Variants in APTX observed in about 807,000 individuals in gnomAD.
The protein encoded by APTX is aprataxin.
In APTX, 33 loss-of-function variants were observed where a neutral mutation model predicts 42.3. That is an observed-to-expected ratio of 0.78 (90% CI 0.59 to 1.04). APTX has a LOEUF of 1.04. Among genes scored for constraint, APTX ranks in the 50% least tolerant of loss-of-function variants. APTX has a pLI of 0.00. For missense variants in APTX, 421 were observed against 415.1 expected (o/e 1.01, Z -0.12); for synonymous variants, 130 against 146.7 (o/e 0.89, Z 0.82).
At chr9:32,985,004 T>C in intron 5 of APTX, 147 bp from the exon 6 acceptor site, 1 of 735,584 alleles carries the variant, frequency 1.4e-6, no homozygotes, top group African/African-American at 1.7e-5. Flanking sequence ...AGCACTGAAA[T>C]TCAGACAGGT....
chr9:33,010,167 T>A (rs1447385074), intron 1 of APTX, among the ~76,000 whole-genome samples: 2 of 152,120 alleles, frequency 1.3e-5, no homozygotes, highest in East Asian at 3.9e-4. Flanking sequence ...GCAATAGTAG[T>A]TCCCAGAACA....
intron 1 of APTX, among the ~76,000 whole-genome samples, chr9:33,023,210 C>T (rs918930399): frequency 6.6e-6 from 1 of 151,626 alleles, no homozygotes; most frequent in South Asian, 2.1e-4. Flanking sequence ...GCAGGGACCA[C>T]GACTTATGTG....
chr9:32,989,646 T>C (rs767833577), intron 2 of APTX, 113 bp downstream of exon 2: 3 of 1,516,568 alleles, frequency 2.0e-6, no homozygotes, highest in South Asian at 1.1e-5. Context: ...GTTCCTGAGC[T>C]GTATTTTTGG....
chr9:32,972,805 AC>A lies in APTX; in HGVS notation c.*692del. On this transcript the variant is annotated 3_prime_UTR_variant, in exon 8 of 8. Transcript: ENST00000379817. ...ATTTTCAGACAACAGGTCCAAGAAG[AC>A]TTCACAGCTCAATCATGACGAACAT... 2.2e-6 allele frequency: 1 copy of A among 454,136 alleles called. No individual in the cohort carries two copies. The highest frequency in any genetic ancestry group is 1.6e-5 in the South Asian group (1 of 64,476). The allele number at this position is 454,136 out of a possible 1,614,324, so 28.1% of individuals were successfully genotyped here.
chr9:32,978,539 C>T (rs984394834), intron 6 of APTX, among the ~76,000 whole-genome samples: 1 of 151,986 alleles, frequency 6.6e-6, no homozygotes, highest in African/African-American at 2.4e-5. Flanking sequence ...GCTTCTGAGG[C>T]CTTTATTTGG....
At position 33,020,061 on chromosome 9, in the gene APTX, G is replaced by A. The variant is rs1054951819; in HGVS notation, c.-5+4962C>T. ...GAGCTGCCGGGGTGTCCGCGCCCCC[G>A]GGGCAGCTGTGATCACCCTAGCCAT... On this transcript the variant is annotated intron_variant, in intron 1 of 6. Transcript: ENST00000436040. The A allele has an allele frequency of 8.6e-5, 34 of 393,214 alleles. 1 individual carries two copies. The East Asian group carries it at 1.1e-3, about 13-fold the overall frequency. The allele number at this position is 393,214 out of a possible 1,614,324, so 24.4% of individuals were successfully genotyped here.
intron 1 of APTX, among the ~76,000 whole-genome samples, chr9:33,021,457 C>G (rs187199641): frequency 5.7e-4 from 87 of 151,932 alleles, no homozygotes; most frequent in Non-Finnish European, 9.4e-4. Context: ...AAAAAAAATA[C>G]AAGGAATATT....
chr9:33,022,964 G>A (rs576221607), intron 1 of APTX, among the ~76,000 whole-genome samples: 1 of 152,176 alleles, frequency 6.6e-6, no homozygotes, highest in South Asian at 2.1e-4. Flanking sequence ...AGCCTCCCAA[G>A]TAGCTGGGAG....
chr9:33,001,649 G>A (rs765768022), upstream of APTX: 22 of 1,611,450 alleles, frequency 1.4e-5, 2 homozygotes, highest in South Asian at 2.3e-4. Flanking sequence ...GTCAGAGGCC[G>A]GCTGTATCGC....
At chr9:33,023,230 T>C (rs1042951418) in intron 1 of APTX, among the ~76,000 whole-genome samples, 2 of 151,982 alleles carry the variant, frequency 1.3e-5, no homozygotes, top group Non-Finnish European at 2.9e-5. Context: ...GATTTTTTTT[T>C]TTTTCTGAGA....
chr9:33,021,373 A>T (rs1193377530), intron 1 of APTX, among the ~76,000 whole-genome samples: 1 of 152,242 alleles, frequency 6.6e-6, no homozygotes, highest in East Asian at 1.9e-4. Flanking sequence ...TGTAATCACA[A>T]TAAAACTCAC....
chr9:33,024,675 G>A (rs147122478), intron 1 of APTX: 10 of 152,188 alleles, frequency 6.6e-5, no homozygotes, highest in Non-Finnish European at 1.3e-4. Context: ...GATAACATGT[G>A]TCTAGGGGCC....
At chr9:32,974,615 AT>A (rs1179991395) in intron 6 of APTX, 54 bp from the exon 7 acceptor site, 22 of 977,750 alleles carry the variant, frequency 2.3e-5, no homozygotes, top group Admixed American at 3.4e-5. Flanking sequence ...CTATGGCTTA[AT>A]CAAAATGACA....
upstream of APTX, among the ~76,000 whole-genome samples, chr9:33,002,562 A>T (rs1476850321): frequency 6.6e-6 from 1 of 152,188 alleles, no homozygotes; most frequent in South Asian, 2.1e-4. Flanking sequence ...CTTTACCCCG[A>T]TGTTTCCTCT....
chr9:32,985,741 G>A (rs868171488), intron 5 of APTX, among the ~76,000 whole-genome samples: 1 of 152,120 alleles, frequency 6.6e-6, no homozygotes, highest in African/African-American at 2.4e-5. Context: ...AAGTTTAAAA[G>A]GCACAAGGCA....
chr9:33,007,915 T>C (rs1181337670), intron 1 of APTX, among the ~76,000 whole-genome samples: 1 of 151,976 alleles, frequency 6.6e-6, no homozygotes, highest in Non-Finnish European at 1.5e-5. Context: ...CGTCCTCTGC[T>C]GGTTTCCTTC....
chr9:32,998,020 G>T (rs1459501163), intron 1 of APTX, among the ~76,000 whole-genome samples: 2 of 152,208 alleles, frequency 1.3e-5, no homozygotes, highest in Non-Finnish European at 1.5e-5. Flanking sequence ...CAACAGTAGA[G>T]ATGGAGAAGA....
intron 1 of APTX, among the ~76,000 whole-genome samples, chr9:32,994,984 C>A (rs1384069891): frequency 6.6e-6 from 1 of 152,158 alleles, no homozygotes; most frequent in Non-Finnish European, 1.5e-5. Flanking sequence ...ATTTTAAGAT[C>A]TCTGTTAAGA....
chr9:33,024,327 T>A (rs1338191783), intron 1 of APTX, among the ~76,000 whole-genome samples: 1 of 152,196 alleles, frequency 6.6e-6, no homozygotes, highest in African/African-American at 2.4e-5. Context: ...CCATCTTTCT[T>A]GGTGCTAGAT....
Sources: allele counts gnomAD v4.1 joint callset (sites outside exome capture counted in the v4.1 genomes callset), GRCh38; gene constraint gnomAD v4.1.1; transcripts MANE v1.5; gene names NCBI Gene and HGNC (gene_info 2026-07-23, HGNC 2026-07-21).